The following MRPL48 variants were observed in gnomAD, a reference collection of about 807,000 sequenced individuals.
MRPL48 encodes large ribosomal subunit protein mL48.
In MRPL48, 16 loss-of-function variants were observed where a neutral mutation model predicts 32.9. The ratio of observed to expected loss-of-function variants is 0.49; its 90% CI spans 0.33 to 0.74. MRPL48 has a LOEUF of 0.74. Ranked by LOEUF, MRPL48 falls within the 30% of genes least tolerant of loss-of-function variation. MRPL48 has a pLI of 0.02. For synonymous variants in MRPL48, 94 were observed against 89.2 expected, an observed-to-expected ratio of 1.05 and a Z score of -0.31; for missense variants, 206 against 245.3, an observed-to-expected ratio of 0.84 and a Z score of 1.07.
intron 3 of MRPL48, among the ~76,000 whole-genome samples, chr11:73,821,049 C>T (rs1176377005): frequency 6.6e-6 from 1 of 152,116 alleles, no homozygotes; most frequent in Non-Finnish European, 1.5e-5. Flanking sequence ...CACTGGAGTA[C>T]AGCATCATGA....
At chr11:73,838,604 TA>T (rs1948141364) in intron 4 of MRPL48, among the ~76,000 whole-genome samples, 1 of 152,224 alleles carries the variant, frequency 6.6e-6, no homozygotes, top group Admixed American at 6.5e-5. Context: ...AGACAGCTCT[TA>T]CTGCAGTGCT....
At chr11:73,833,734 G>A (rs2135029032) in intron 4 of MRPL48, among the ~76,000 whole-genome samples, 1 of 152,118 alleles carries the variant, frequency 6.6e-6, no homozygotes, top group South Asian at 2.1e-4. Context: ...GAGTGCAGTG[G>A]TGCAATCATA....
At chr11:73,791,814 T>A (rs1482341571) in intron 1 of MRPL48, among the ~76,000 whole-genome samples, 2 of 152,206 alleles carry the variant, frequency 1.3e-5, no homozygotes, top group African/African-American at 4.8e-5. Context: ...AACAAACAAA[T>A]GTTGATATTA....
At chr11:73,851,381 G>T (rs573949830) in intron 5 of MRPL48, among the ~76,000 whole-genome samples, 4 of 152,280 alleles carry the variant, frequency 2.6e-5, no homozygotes, top group African/African-American at 9.6e-5. Context: ...CTTATTTTAA[G>T]TCCTTCAGCC....
At chr11:73,829,865 A>G (rs1004660510) in intron 4 of MRPL48, among the ~76,000 whole-genome samples, 1 of 152,004 alleles carries the variant, frequency 6.6e-6, no homozygotes, top group Non-Finnish European at 1.5e-5. Flanking sequence ...CTCAGGCTCA[A>G]ATGATTCTCC....
At position 73,859,998 on chromosome 11, in the gene MRPL48, C is replaced by A. The variant is rs137907774; in HGVS notation, c.463C>A (p.Arg155=). The change falls in exon 6 of 8, where the codon CGA becomes AGA. Residue 155 remains arginine, a synonymous_variant. Transcript: ENST00000310614. ...LLDSVLTTHE[R]VVQISGLSAT... is the part of the protein sequence containing the mutation. ...GGACTCAGTGCTTACCACCCATGAG[C>A]GAGTGGTTCAGGTAGGCACTCCAGG... is the stretch of plus-strand genomic sequence containing the variant. 1.3e-4 allele frequency: 211 copies of A among 1,613,286 alleles called. 2 individuals are homozygous for A. In the African/African-American group the frequency reaches 2.6e-3, roughly 20 times the overall value.
At chr11:73,832,155 A>G (rs969856085) in intron 4 of MRPL48, among the ~76,000 whole-genome samples, 2 of 152,032 alleles carry the variant, frequency 1.3e-5, no homozygotes, top group African/African-American at 4.8e-5. Context: ...ACCTTGTCAT[A>G]TGTTCTCATT....
chr11:73,817,393 T>A (rs1010642355), intron 3 of MRPL48, among the ~76,000 whole-genome samples: 2 of 152,198 alleles, frequency 1.3e-5, no homozygotes, highest in Non-Finnish European at 2.9e-5. Flanking sequence ...TCAAAGGAAA[T>A]ACACATTTTT....
At chr11:73,803,376 C>T (rs1434659928) in intron 1 of MRPL48, among the ~76,000 whole-genome samples, 2 of 152,150 alleles carry the variant, frequency 1.3e-5, no homozygotes, top group Admixed American at 6.5e-5. Context: ...AGTGATCTGC[C>T]TGCCTCAGCC....
rs1234155562 is a variant in MRPL48 at position 73,805,048 on chromosome 11, A to G, written c.43A>G (p.Thr15Ala). The change falls in exon 2 of 8, where the codon ACC becomes GCC. Residue 15 changes from threonine (T) to alanine (A), a missense_variant. Thr to Ala is a moderately conservative substitution (Grantham distance 58). Transcript: ENST00000310614. ...LEKVLCLRNN[T>A]IFKQAFSLLR... ...GTAGGTGCTGTGCCTGAGGAACAAT[A>G]CCATTTTTAAGCAAGCCTTTTCTCT... 2 of 1,589,276 alleles carry G rather than the reference A, an allele frequency of 1.3e-6. No homozygotes were observed. Among genetic ancestry groups the G allele is most frequent in the South Asian group, 1.1e-5 (1 of 87,312 alleles).
At chr11:73,810,548 T>C (rs1356034010) in intron 3 of MRPL48, among the ~76,000 whole-genome samples, 4 of 108,508 alleles carry the variant, frequency 3.7e-5, no homozygotes, top group Non-Finnish European at 5.4e-5. Context: ...ATAAGGATGT[T>C]TTCTTTCTTT....
chr11:73,848,852 C>T (rs754448956), intron 5 of MRPL48, among the ~76,000 whole-genome samples: 22 of 151,848 alleles, frequency 1.4e-4, no homozygotes, highest in Non-Finnish European at 2.2e-4. Flanking sequence ...CAGAGTCTTG[C>T]TCTGTCACCC....
At chr11:73,801,014 T>C (rs1397841089) in intron 1 of MRPL48, among the ~76,000 whole-genome samples, 1 of 152,032 alleles carries the variant, frequency 6.6e-6, no homozygotes, top group African/African-American at 2.4e-5. Context: ...TTTCTCCATG[T>C]TGGTCAGGCT....
intron 5 of MRPL48, among the ~76,000 whole-genome samples, chr11:73,847,340 A>G (rs1565107480): frequency 6.6e-6 from 1 of 152,150 alleles, no homozygotes; most frequent in Admixed American, 6.5e-5. Flanking sequence ...TCATCTGTGT[A>G]TCTTCCCTGA....
chr11:73,800,905 G>A (rs1947351450), intron 1 of MRPL48, among the ~76,000 whole-genome samples: 1 of 148,372 alleles, frequency 6.7e-6, no homozygotes, highest in Non-Finnish European at 1.5e-5. Flanking sequence ...TCCGCCTCCC[G>A]GGTTCAAGCC....
At chr11:73,811,727 G>A (rs1009306147) in intron 3 of MRPL48, among the ~76,000 whole-genome samples, 2 of 152,002 alleles carry the variant, frequency 1.3e-5, no homozygotes, top group African/African-American at 4.8e-5. Flanking sequence ...AAATTATTAG[G>A]TTGGTGCAAA....
At chr11:73,836,259 C>T (rs558037965) in intron 4 of MRPL48, among the ~76,000 whole-genome samples, 3 of 152,156 alleles carry the variant, frequency 2.0e-5, no homozygotes, top group African/African-American at 7.2e-5. Flanking sequence ...GCTGGGACTA[C>T]AGGCGCCTGG....
At chr11:73,834,299 T>C (rs957998521) in intron 4 of MRPL48, among the ~76,000 whole-genome samples, 1 of 152,184 alleles carries the variant, frequency 6.6e-6, no homozygotes. Context: ...TTAAGTAAAA[T>C]AGAAATTTCT....
chr11:73,801,613 T>C (rs1234920474), intron 1 of MRPL48, among the ~76,000 whole-genome samples: 1 of 152,212 alleles, frequency 6.6e-6, no homozygotes, highest in Non-Finnish European at 1.5e-5. Flanking sequence ...CGCCTCCTAA[T>C]TTCCTAAGCA....
Sources: allele counts gnomAD v4.1 joint callset (sites outside exome capture counted in the v4.1 genomes callset), GRCh38; gene constraint gnomAD v4.1.1; transcripts MANE v1.5; gene names NCBI Gene and HGNC (gene_info 2026-07-23, HGNC 2026-07-21).